DNAH11: variants seen among roughly 807,000 people sequenced by gnomAD.
The protein encoded by DNAH11 is axonemal beta dynein heavy chain 11.
In DNAH11, 442 loss-of-function variants were observed where a neutral mutation model predicts 526.0. The ratio of observed to expected loss-of-function variants is 0.84; its 90% CI spans 0.78 to 0.91. The LOEUF (loss-of-function observed/expected upper bound fraction) is 0.91, where lower values mean the gene tolerates loss of function less well. Ranked by LOEUF, DNAH11 falls within the 40% of genes least tolerant of loss-of-function variation. The pLI is 0.00. For missense variants in DNAH11, 6,989 were observed against 5,448.7 expected (o/e 1.28, Z -8.90); for synonymous variants, 2,461 against 1,935.9 (o/e 1.27, Z -7.12).
chr7:21,883,677 T>A (rs546507569), intron 75 of DNAH11, among the ~76,000 whole-genome samples: 3 of 152,350 alleles, frequency 2.0e-5, no homozygotes, highest in African/African-American at 7.2e-5. Context: ...TTTCACAATT[T>A]TTAGATGAGA....
chr7:21,795,525 C>A (rs1169018574), intron 61 of DNAH11, among the ~76,000 whole-genome samples: 1 of 152,204 alleles, frequency 6.6e-6, no homozygotes, highest in African/African-American at 2.4e-5. Context: ...AGTCTTTTAA[C>A]TTTTTATGCC....
intron 30 of DNAH11, among the ~76,000 whole-genome samples, chr7:21,669,518 G>A (rs1371192130): frequency 6.6e-6 from 1 of 151,918 alleles, no homozygotes; most frequent in African/African-American, 2.4e-5. Context: ...TGGGATACAA[G>A]TTTTTTGTTC....
chr7:21,852,322 G>A (rs1054987276), intron 66 of DNAH11, 145 bp from the exon 67 acceptor site: 11 of 689,198 alleles, frequency 1.6e-5, no homozygotes, highest in African/African-American at 1.1e-4. Flanking sequence ...CAGGAGAATC[G>A]CTTTAACCCA....
intron 76 of DNAH11, among the ~76,000 whole-genome samples, chr7:21,884,666 A>G (rs975138016): frequency 2.0e-5 from 3 of 152,158 alleles, no homozygotes; most frequent in African/African-American, 7.2e-5. Flanking sequence ...CCTCACATGC[A>G]CTGACTCATC....
chr7:21,808,816 G>C (rs1267556481), intron 63 of DNAH11, among the ~76,000 whole-genome samples: 1 of 152,174 alleles, frequency 6.6e-6, no homozygotes, highest in Non-Finnish European at 1.5e-5. Flanking sequence ...CCGTGTCTTG[G>C]CTATTGTGAA....
intron 76 of DNAH11, 136 bp downstream of exon 76, chr7:21,884,546 A>G (rs1784050964): frequency 5.0e-6 from 5 of 992,810 alleles, no homozygotes; most frequent in Non-Finnish European, 7.1e-6. Flanking sequence ...AATTTCTTAG[A>G]AAAGCGGAAT....
chr7:21,740,961 G>T (rs1314472122), intron 48 of DNAH11, among the ~76,000 whole-genome samples: 1 of 152,106 alleles, frequency 6.6e-6, no homozygotes, highest in Non-Finnish European at 1.5e-5. Context: ...GTTATGATTT[G>T]CATTTTCCTA....
At chr7:21,731,449 A>G (rs1361494353) in intron 45 of DNAH11, among the ~76,000 whole-genome samples, 2 of 152,240 alleles carry the variant, frequency 1.3e-5, no homozygotes, top group Non-Finnish European at 2.9e-5. Context: ...TAGAATGGAA[A>G]TCTACACAGC....
rs1425803027 is a variant in DNAH11 at position 21,792,642 on chromosome 7, A to AT, written c.10026+3306dup. Among the ~76,000 whole-genome samples, 8 of 151,988 alleles carry AT rather than the reference A, an allele frequency of 5.3e-5. 1 individual carries two copies. Among genetic ancestry groups the AT allele is most frequent in the South Asian group, 4.1e-4 (2 of 4,822 alleles). On this transcript the variant is annotated intron_variant, in intron 61 of 81. Coordinates refer to ENST00000409508, the MANE Select transcript of DNAH11 (RefSeq NM_001277115.2). ...CTTGGTAGAGTGTATATGTGCAGGA[A>AT]TTTTTTCATTTCTTATAGGTTTTCC...
intron 45 of DNAH11, among the ~76,000 whole-genome samples, chr7:21,726,994 C>T (rs1219748702): frequency 3.1e-5 from 3 of 98,272 alleles, no homozygotes; most frequent in Admixed American, 1.6e-4. Context: ...AGTGCAGTGG[C>T]GCGATCTCGG....
intron 63 of DNAH11, among the ~76,000 whole-genome samples, chr7:21,811,296 C>CCT (rs1554283715): frequency 2.0e-5 from 3 of 151,272 alleles, no homozygotes; most frequent in African/African-American, 7.3e-5. Flanking sequence ...AACCCCCCCC[C>CCT]CTACTAAAAA....
At position 21,559,745 on chromosome 7, in the gene DNAH11, G is replaced by T; in HGVS notation, c.835G>T (p.Asp279Tyr). The change falls in exon 4 of 82, where the codon GAT becomes TAT. Residue 279 changes from aspartate (D) to tyrosine (Y), a missense_variant. Physicochemically the swap from Asp to Tyr is radical, Grantham distance 160. Transcript: ENST00000409508. Reference sequence around the variant, plus strand: ...TCACTTGTCTCCTCAAGCAGAACTAGATTTCTGGATGATGAGGAGAGAAAA... The same window carrying T: ...TCACTTGTCTCCTCAAGCAGAACTATATTTCTGGATGATGAGGAGAGAAAA... ...GLHLSPQAEL[D>Y]FWMMRRENLS... 6.2e-7 allele frequency: 1 copy of T among 1,608,312 alleles called. No homozygotes were observed. Among genetic ancestry groups the T allele is most frequent in the Non-Finnish European group, 8.5e-7 (1 of 1,177,052 alleles).
intron 45 of DNAH11, among the ~76,000 whole-genome samples, chr7:21,729,208 T>G (rs920441174): frequency 8.5e-5 from 13 of 152,358 alleles, no homozygotes; most frequent in Admixed American, 4.6e-4. Flanking sequence ...CTAAATTGTC[T>G]TGTCCTGTAG....
Position 21,544,999 on chromosome 7 carries a change from G to T in DNAH11, c.352-7G>T. On this transcript the variant is annotated splice_region_variant and splice_polypyrimidine_tract_variant and intron_variant, in intron 1 of 81. Transcript: ENST00000409508. The stretch of plus-strand genomic sequence containing the variant: ...TACTTGAACTAATTATCTTGCTCTT[G>T]TTTTAGATTCCAAGAGATGCAAACC... The T allele has an allele frequency of 6.4e-7, 1 of 1,569,966 alleles. No individual in the cohort carries two copies. Among genetic ancestry groups the T allele is most frequent in the Non-Finnish European group, 8.6e-7 (1 of 1,157,498 alleles).
At position 21,852,405 on chromosome 7, in the gene DNAH11, T is replaced by TAAA. The variant is rs55939718; in HGVS notation, c.10897-46_10897-44dup. The TAAA allele has an allele frequency of 0.035, 42,539 of 1,230,698 alleles. 37 individuals carry two copies. Among genetic ancestry groups the TAAA allele is most frequent in the Non-Finnish European group, 0.038 (35,170 of 926,946 alleles). The allele number at this position is 1,230,698 out of a possible 1,614,324, so 76.2% of individuals were successfully genotyped here. Reference sequence around the variant, plus strand: ...CTGGGCGACAGAGCAAGACTTCCTCTAAAAAAAAAAAAAAAAAAGTACTTA... The same window carrying TAAA: ...CTGGGCGACAGAGCAAGACTTCCTCTAAAAAAAAAAAAAAAAAAAAAGTACTTA... On this transcript the variant is annotated intron_variant, in intron 66 of 81. Transcript: ENST00000409508.
At chr7:21,860,056 T>G (rs1442679846) in intron 68 of DNAH11, among the ~76,000 whole-genome samples, 1 of 152,128 alleles carries the variant, frequency 6.6e-6, no homozygotes, top group East Asian at 1.9e-4. Flanking sequence ...GCCTGTGGTC[T>G]CAGCTACCCA....
chr7:21,573,786 C>T (rs373787405), intron 8 of DNAH11, among the ~76,000 whole-genome samples: 9 of 152,296 alleles, frequency 5.9e-5, no homozygotes, highest in African/African-American at 2.2e-4. Flanking sequence ...TGCCCCATCC[C>T]CTCTGACTAC....
chr7:21,564,363 TATTGCAAGAGTTTTGTAATCTCTTC>T lies in DNAH11; in HGVS notation c.1164_1188del (p.Gln389ThrfsTer13). On this transcript the variant is annotated frameshift_variant, in exon 6 of 82. Transcript: ENST00000409508. LOFTEE classifies it high-confidence loss of function. The stretch of plus-strand genomic sequence containing the variant: ...AACACCCCAGCTCGGGTTATAGTTT[TATTGCAAGAGTTTTGTAATCTCTTC>T]ATTAACCAGGTATGAAGCATCAAAA... 1 of 1,613,338 alleles carries T rather than the reference TATTGCAAGAGTTTTGTAATCTCTTC, an allele frequency of 6.2e-7. No homozygotes were observed. The highest frequency in any genetic ancestry group is 8.5e-7 in the Non-Finnish European group (1 of 1,179,662).
intron 79 of DNAH11, 61 bp from the exon 80 acceptor site, chr7:21,899,275 A>G (rs777826360): frequency 7.4e-7 from 1 of 1,353,624 alleles, no homozygotes; most frequent in Non-Finnish European, 1.1e-6. Context: ...ACAACAGAAC[A>G]TACTGGAAAA....
Sources: allele counts gnomAD v4.1 joint callset (sites outside exome capture counted in the v4.1 genomes callset), GRCh38; gene constraint gnomAD v4.1.1; transcripts MANE v1.5; gene names NCBI Gene and HGNC (gene_info 2026-07-23, HGNC 2026-07-21).